The following HSPA12A variants were observed in gnomAD, a reference collection of about 807,000 sequenced individuals.
HSPA12A encodes the protein heat shock 70 kDa protein 12A.
In HSPA12A, 28 loss-of-function variants were observed where a neutral mutation model predicts 69.2. The observed-to-expected ratio is 0.40, with a 90% CI of 0.30 to 0.55. HSPA12A has a LOEUF of 0.55. HSPA12A is among the 20% of genes least tolerant of loss of function. The pLI is 0.38. For missense variants in HSPA12A, 686 were observed against 900.7 expected (o/e 0.76, Z 3.05); for synonymous variants, 345 against 370.5 (o/e 0.93, Z 0.79).
intron 2 of HSPA12A, among the ~76,000 whole-genome samples, chr10:116,794,360 T>C (rs1268008802): frequency 6.6e-6 from 1 of 152,044 alleles, no homozygotes; most frequent in Non-Finnish European, 1.5e-5. Context: ...AGGTTGGAAG[T>C]AAGAGTGGGA....
chr10:116,787,633 C>A (rs979592406), intron 2 of HSPA12A, among the ~76,000 whole-genome samples: 4 of 152,006 alleles, frequency 2.6e-5, no homozygotes, highest in Non-Finnish European at 5.9e-5. Context: ...ACAATTATGG[C>A]CTTTGGGGAA....
intron 1 of HSPA12A, among the ~76,000 whole-genome samples, chr10:116,713,801 A>T (rs1277558930): frequency 6.6e-6 from 1 of 151,998 alleles, no homozygotes; most frequent in Non-Finnish European, 1.5e-5. Context: ...CATGAATTAC[A>T]CTCCTCAACC....
chr10:116,741,187 G>T (rs1483405844), intron 1 of HSPA12A, among the ~76,000 whole-genome samples: 1 of 151,992 alleles, frequency 6.6e-6, no homozygotes, highest in Non-Finnish European at 1.5e-5. Flanking sequence ...CTGCAGTGCC[G>T]CGTGGGGAGG....
intron 2 of HSPA12A, among the ~76,000 whole-genome samples, chr10:116,826,484 C>A (rs1307254252): frequency 6.6e-6 from 1 of 152,138 alleles, no homozygotes. Context: ...GAGTCTGAGC[C>A]ATCTACAGAT....
chr10:116,792,259 CAAAA>C (rs55642476), intron 2 of HSPA12A, among the ~76,000 whole-genome samples: 5 of 61,004 alleles, frequency 8.2e-5, no homozygotes, highest in Admixed American at 2.5e-4. Flanking sequence ...AACTCGGTCT[CAAAA>C]AAAAAAAAAA....
intron 2 of HSPA12A, among the ~76,000 whole-genome samples, chr10:116,777,251 C>T (rs1554891243): frequency 6.6e-6 from 1 of 152,252 alleles, no homozygotes; most frequent in East Asian, 1.9e-4. Context: ...CCCTTGGGAA[C>T]TTTACATGGA....
At chr10:116,716,837 A>G (rs1254677634) in intron 1 of HSPA12A, among the ~76,000 whole-genome samples, 1 of 152,126 alleles carries the variant, frequency 6.6e-6, no homozygotes, top group African/African-American at 2.4e-5. Flanking sequence ...TCACTCTGTT[A>G]TCAATGAACA....
chr10:116,713,328 T>A (rs1269529738), intron 1 of HSPA12A, among the ~76,000 whole-genome samples: 1 of 152,116 alleles, frequency 6.6e-6, no homozygotes, highest in African/African-American at 2.4e-5. Context: ...ATGGTGGATG[T>A]CCAGAGTAAA....
At chr10:116,842,706 G>A (rs528371638) in intron 1 of HSPA12A, among the ~76,000 whole-genome samples, 56 of 152,196 alleles carry the variant, frequency 3.7e-4, no homozygotes, top group Admixed American at 4.6e-4. Context: ...GGGTTCAAGC[G>A]ATTCTCCTGC....
At chr10:116,822,429 G>A (rs927154919) in intron 2 of HSPA12A, among the ~76,000 whole-genome samples, 1 of 152,226 alleles carries the variant, frequency 6.6e-6, no homozygotes, top group Non-Finnish European at 1.5e-5. Flanking sequence ...GGAATCACCA[G>A]GACGCCCTGT....
intron 1 of HSPA12A, among the ~76,000 whole-genome samples, chr10:116,842,611 TG>T (rs1845820689): frequency 6.6e-6 from 1 of 150,760 alleles, no homozygotes; most frequent in African/African-American, 2.4e-5. Context: ...TTAAAGAGTT[TG>T]TTTTTGTTTT....
chr10:116,688,567 C>T (rs1900500), intron 6 of HSPA12A, among the ~76,000 whole-genome samples: 78,879 of 152,114 alleles, frequency 0.52, 20,823 homozygotes, highest in Middle Eastern at 0.66. Context: ...ACTGTGTCCA[C>T]AGCTGAGAAA....
intron 1 of HSPA12A, among the ~76,000 whole-genome samples, chr10:116,722,609 T>C (rs1850815568): frequency 6.6e-6 from 1 of 152,014 alleles, no homozygotes; most frequent in Non-Finnish European, 1.5e-5. Context: ...CACCCCACAC[T>C]CGGTGTGCCT....
At position 116,674,990 on chromosome 10, in the gene HSPA12A, G is replaced by A. The variant is rs782601164; in HGVS notation, c.1819C>T (p.His607Tyr). 2.5e-6 allele frequency: 4 copies of A among 1,614,220 alleles called. No individual in the cohort carries two copies. Among genetic ancestry groups the A allele is most frequent in the Non-Finnish European group, 3.4e-6 (4 of 1,180,044 alleles). Reference sequence around the variant, plus strand: ...TCAGTGATGAAGCTGACGTTGTCGTGCTCAGAGCTGTAGATGTTGATGACA... The same window carrying A: ...TCAGTGATGAAGCTGACGTTGTCGTACTCAGAGCTGTAGATGTTGATGACA... The part of the protein sequence containing the change: ...VIVINIYSSE[H>Y]DNVSFITDPG... The change falls in exon 12 of 12, where the codon CAC becomes TAC. Residue 607 changes from histidine to tyrosine, a missense_variant. Transcript: ENST00000369209.
chr10:116,698,794 C>G, intron 4 of HSPA12A, 55 bp from the exon 5 acceptor site: 1 of 1,424,342 alleles, frequency 7.0e-7, no homozygotes, highest in South Asian at 1.2e-5. Flanking sequence ...AAACATGTCT[C>G]CTGGCTTTGG....
chr10:116,674,896 G>A lies in HSPA12A; in HGVS notation c.1913C>T (p.Ala638Val), dbSNP rs369274873. 6.2e-7 allele frequency: 1 copy of A among 1,614,016 alleles called. No individual in the cohort carries two copies. Among genetic ancestry groups the A allele is most frequent in the Non-Finnish European group, 8.5e-7 (1 of 1,180,034 alleles). Residue 638 changes from alanine (A) to valine (V), a missense_variant, in exon 12 of 12, where the codon GCC (alanine) becomes GTC (valine). Transcript: ENST00000369209. ...LTGTSGTAVPARREIQTLMQF... is the reference protein window; with the variant it reads ...LTGTSGTAVPVRREIQTLMQF... The stretch of plus-strand genomic sequence containing the variant: ...CATAAGGGTCTGGATCTCCCTCCGG[G>A]CGGGCACCGCAGTGCCACTGGTCCC...
chr10:116,816,456 G>A (rs550364918), intron 2 of HSPA12A, among the ~76,000 whole-genome samples: 1 of 152,328 alleles, frequency 6.6e-6, no homozygotes, highest in Admixed American at 6.5e-5. Flanking sequence ...TTTTCTCCGA[G>A]GCCTGGAGTT....
intron 2 of HSPA12A, among the ~76,000 whole-genome samples, chr10:116,769,476 T>G (rs533656166): frequency 4.6e-5 from 7 of 152,300 alleles, no homozygotes; most frequent in African/African-American, 1.7e-4. Flanking sequence ...CCTTGAGGGC[T>G]GGGGCCCGGG....
At chr10:116,742,707 G>T (rs1237366055), upstream of HSPA12A, 2 of 633,314 alleles carry the variant, frequency 3.2e-6, no homozygotes, top group Non-Finnish European at 2.0e-6. Flanking sequence ...AGGCGGGCGC[G>T]GGGAACTGCC....
Sources: allele counts gnomAD v4.1 joint callset (sites outside exome capture counted in the v4.1 genomes callset), GRCh38; gene constraint gnomAD v4.1.1; transcripts MANE v1.5; gene names NCBI Gene and HGNC (gene_info 2026-07-23, HGNC 2026-07-21).